IWS1: variants seen among roughly 807,000 people sequenced by gnomAD.
The protein encoded by IWS1 is interacts with SUPT6H, CTD assembly factor 1.
A neutral mutation model predicts 86.7 loss-of-function variants in IWS1; 27 were observed. That is an observed-to-expected ratio of 0.31 (90% CI 0.23 to 0.43). IWS1 has a LOEUF of 0.43. Ranked by LOEUF, IWS1 falls within the 20% of genes least tolerant of loss-of-function variation. IWS1 has a pLI of 1.00. For missense variants in IWS1, 827 were observed against 1,000.8 expected (o/e 0.83, Z 2.34); for synonymous variants, 313 against 335.1 (o/e 0.93, Z 0.72).
At position 127,489,819 on chromosome 2, in the gene IWS1, T is replaced by A; in HGVS notation, c.2159+13A>T. 7.1e-7 allele frequency: 1 copy of A among 1,408,890 alleles called. No homozygotes were observed. The highest frequency in any genetic ancestry group is 1.0e-6 in the Non-Finnish European group (1 of 994,130). 87.3% of individuals were successfully genotyped at this position (1,408,890 alleles called of 1,614,324 possible). A position where few individuals can be genotyped will look rare whatever the true frequency, so the allele number is the denominator to read the frequency against. The stretch of plus-strand genomic sequence containing the variant: ...AACGTGTATTCCACTTACTCATACC[T>A]GTTCCCTCATACCTGTTCATTCTTC... On this transcript the variant is annotated intron_variant, in intron 11 of 13. Transcript: ENST00000295321. The surrounding 1 kb of genome is among the most constrained non-coding windows in gnomAD (Gnocchi z 4.8).
At chr2:127,519,854 G>A (rs376519810) in intron 2 of IWS1, among the ~76,000 whole-genome samples, 4 of 152,170 alleles carry the variant, frequency 2.6e-5, no homozygotes, top group African/African-American at 9.7e-5. Flanking sequence ...ACAGAAACAA[G>A]AGGTCAGAAA....
chr2:127,484,812 A>G (rs1194373563), intron 13 of IWS1: 1 of 152,224 alleles, frequency 6.6e-6, no homozygotes, highest in Non-Finnish European at 1.5e-5. Flanking sequence ...CATGGCTAAC[A>G]GGATGAAACC....
intron 13 of IWS1, among the ~76,000 whole-genome samples, chr2:127,485,207 T>G (rs1689867466): frequency 6.6e-6 from 1 of 152,074 alleles, no homozygotes; most frequent in Non-Finnish European, 1.5e-5. Flanking sequence ...TGATAGTCAC[T>G]TAATAGCAAC....
In IWS1 at chr2:127,489,647, GA is replaced by G. The variant is rs1690119064; in HGVS notation, c.2159+184del. 5.3e-6 allele frequency: 3 copies of G among 571,398 alleles called. No homozygotes were observed. The highest frequency in any genetic ancestry group is 9.3e-6 in the Non-Finnish European group (3 of 322,746). The allele number at this position is 571,398 out of a possible 1,614,324, so 35.4% of individuals were successfully genotyped here. A position where few individuals can be genotyped will look rare whatever the true frequency, so the allele number is the denominator to read the frequency against. The stretch of plus-strand genomic sequence containing the variant: ...AACTGACCCAGAAAGGTCTGGTTAG[GA>G]GGACAGGACCCTCACTATACACTAT... On this transcript the variant is annotated intron_variant, in intron 11 of 13. Coordinates refer to ENST00000295321, the MANE Select transcript of IWS1 (RefSeq NM_017969.3). The surrounding 1 kb of genome is among the most constrained non-coding windows in gnomAD (Gnocchi z 4.8).
At chr2:127,498,039 A>T in intron 6 of IWS1, 101 bp downstream of exon 6, 1 of 899,852 alleles carries the variant, frequency 1.1e-6, no homozygotes, top group Non-Finnish European at 1.7e-6. Context: ...ACCCACTCCT[A>T]AACTTAATCA....
At position 127,499,880 on chromosome 2, in the gene IWS1, T is replaced by C. The variant is rs1690711274; in HGVS notation, c.1468-1643A>G. On this transcript the variant is annotated intron_variant, in intron 5 of 13. Transcript: ENST00000295321. This position sits in a 1 kb window ranked among gnomAD's most constrained non-coding sequence, Gnocchi z 4.0. ...CAGAATAGTAGGAAAGGATGATCTT[T>C]TCAATAAATGGTGCTGGGTCAACTG... Among the ~76,000 whole-genome samples the C allele has an allele frequency of 6.6e-6, 1 of 152,192 alleles. No individual in the cohort carries two copies.
At chr2:127,492,478 G>A (rs539565491) in intron 9 of IWS1, among the ~76,000 whole-genome samples, 91 of 152,170 alleles carry the variant, frequency 6.0e-4, no homozygotes, top group Non-Finnish European at 9.6e-4. Context: ...CCTAGGAAGC[G>A]GAGGTTGAAG....
rs1245066011 is a variant in IWS1, at chr2:127,489,389, C to G, written c.2160-154G>C. ...TTCCTAATCTTTAAAAAGTACTACT[C>G]ATTTTAGTATTCATTTGCATAACAG... On this transcript the variant is annotated intron_variant, in intron 11 of 13. Transcript: ENST00000295321. This position sits in a 1 kb window ranked among gnomAD's most constrained non-coding sequence, Gnocchi z 4.8. 1.6e-6 allele frequency: 1 copy of G among 615,616 alleles called. No individual in the cohort carries two copies. The highest frequency in any genetic ancestry group is 3.1e-5 in the Admixed American group (1 of 32,088). The allele number at this position is 615,616 out of a possible 1,614,324, so 38.1% of individuals were successfully genotyped here.
In IWS1 at chr2:127,485,089, T is replaced by A. The variant is rs1689859880; in HGVS notation, c.2328+1464A>T. On this transcript the variant is annotated intron_variant, in intron 13 of 13. Coordinates refer to ENST00000295321, the MANE Select transcript of IWS1 (RefSeq NM_017969.3). ...GGAGAGGTGGTCAGGGACACGGATA[T>A]GGGCACAAGAAAGAGGAGGGAGAGA... Among the ~76,000 whole-genome samples the A allele has an allele frequency of 2.6e-5, 4 of 152,012 alleles. No individual in the cohort carries two copies. In the South Asian group the frequency reaches 8.3e-4, roughly 32 times the overall value.
At chr2:127,520,006 G>A (rs1368287403) in intron 2 of IWS1, among the ~76,000 whole-genome samples, 3 of 152,130 alleles carry the variant, frequency 2.0e-5, no homozygotes, top group Non-Finnish European at 1.5e-5. Context: ...GGGACACCTT[G>A]ATTTTAGTAC....
At chr2:127,482,058 C>T (rs1689660183) in intron 13 of IWS1, among the ~76,000 whole-genome samples, 1 of 152,182 alleles carries the variant, frequency 6.6e-6, no homozygotes, top group Admixed American at 6.5e-5. Context: ...GAAAGGTTTG[C>T]TGACTCTGTT....
At chr2:127,517,733 G>A (rs1691851440) in intron 2 of IWS1, among the ~76,000 whole-genome samples, 2 of 152,134 alleles carry the variant, frequency 1.3e-5, no homozygotes, top group African/African-American at 4.8e-5. Context: ...ATAAACCCAG[G>A]AGAACTGAAA....
Position 127,486,653 on chromosome 2 carries a change from G to C in IWS1, c.2228C>G (p.Pro743Arg). The change falls in exon 13 of 14, where the codon CCT becomes CGT. Residue 743 changes from proline to arginine, a missense_variant. Around this residue, in one of 2 missense-constraint regions of IWS1, gnomAD observed 279 missense variants for 440.6 expected, o/e 0.63. Coordinates refer to ENST00000295321, the MANE Select transcript of IWS1 (RefSeq NM_017969.3). ...ACGGGCACAGAATCCAGGATCTCCA[G>C]GTCTAAGAGCCCTGAAAAAGGGAAG... ...VLTGEEKALR[P>R]GDPGFCARAR... 6.2e-7 allele frequency: 1 copy of C among 1,613,712 alleles called. No individual in the cohort carries two copies. Among genetic ancestry groups the C allele is most frequent in the Non-Finnish European group, 8.5e-7 (1 of 1,179,658 alleles).
At chr2:127,515,932 C>T (rs993186220) in intron 2 of IWS1, among the ~76,000 whole-genome samples, 5 of 152,162 alleles carry the variant, frequency 3.3e-5, no homozygotes, top group Admixed American at 3.3e-4. Context: ...GGCTAAGTTC[C>T]GAAAGACTGC....
Position 127,505,636 on chromosome 2 carries a change from C to T in IWS1, c.267G>A (p.Arg89=). The change falls in exon 3 of 14, where the codon AGG becomes AGA. Residue 89 remains arginine, a synonymous_variant. Coordinates refer to ENST00000295321, the MANE Select transcript of IWS1 (RefSeq NM_017969.3). The surrounding 1 kb of genome is among the most constrained non-coding windows in gnomAD (Gnocchi z 5.0). ...CAGATTCAGAGTCGCTGTCCTTTTG[C>T]CTGTGAAGCTCCTCACTTTCAGAGT... ...ASDSESEELH[R]QKDSDSESEE... is the part of the protein sequence containing the mutation. 2.5e-6 allele frequency: 4 copies of T among 1,609,550 alleles called. No homozygotes were observed. Among genetic ancestry groups the T allele is most frequent in the Non-Finnish European group, 3.4e-6 (4 of 1,178,244 alleles).
intron 3 of IWS1, among the ~76,000 whole-genome samples, chr2:127,504,114 G>T (rs1054945051): frequency 6.6e-6 from 1 of 152,152 alleles, no homozygotes; most frequent in African/African-American, 2.4e-5. Flanking sequence ...TTCCAAAAAA[G>T]ATAAGTTTCA....
intron 1 of IWS1, among the ~76,000 whole-genome samples, chr2:127,525,793 C>T (rs1692372150): frequency 6.6e-6 from 1 of 152,198 alleles, no homozygotes; most frequent in Non-Finnish European, 1.5e-5. Context: ...TAAACCACTC[C>T]TAACTAGCAG....
intron 2 of IWS1, among the ~76,000 whole-genome samples, chr2:127,518,652 G>C (rs1691912454): frequency 7.1e-6 from 1 of 140,680 alleles, no homozygotes; most frequent in Admixed American, 7.8e-5. Context: ...TGCAACCTCT[G>C]CCTCCCAGGT....
At chr2:127,481,604 T>C (rs1689633264) in intron 13 of IWS1, among the ~76,000 whole-genome samples, 1 of 152,166 alleles carries the variant, frequency 6.6e-6, no homozygotes, top group African/African-American at 2.4e-5. Flanking sequence ...CAAAGTCAGG[T>C]CAGCTGAGAA....
Sources: allele counts gnomAD v4.1 joint callset (sites outside exome capture counted in the v4.1 genomes callset), GRCh38; gene constraint gnomAD v4.1.1; regional missense constraint gnomAD v4.1.1; non-coding constraint Gnocchi (gnomAD v3.1); transcripts MANE v1.5; gene names NCBI Gene and HGNC (gene_info 2026-07-23, HGNC 2026-07-21).